USH2A: variants seen among roughly 807,000 people sequenced by gnomAD.
USH2A encodes the protein Usher syndrome 2A (autosomal recessive, mild).
In USH2A, 443 loss-of-function variants were observed where a neutral mutation model predicts 538.9. That is an observed-to-expected ratio of 0.82 (90% CI 0.76 to 0.89). The LOEUF is 0.89. USH2A is among the 40% of genes least tolerant of loss of function. USH2A has a pLI of 0.00. For missense variants in USH2A, 6,633 were observed against 6,324.8 expected (o/e 1.05, Z -1.65); for synonymous variants, 2,413 against 2,273.5 (o/e 1.06, Z -1.75).
chr1:216,016,947 CT>C (rs1668726014), intron 32 of USH2A, among the ~76,000 whole-genome samples: 1 of 152,020 alleles, frequency 6.6e-6, no homozygotes, highest in African/African-American at 2.4e-5. Flanking sequence ...TCATTTCCCT[CT>C]TTTCTTCTGT....
chr1:215,648,494 G>A, intron 66 of USH2A, 34 bp downstream of exon 66: 8 of 1,603,546 alleles, frequency 5.0e-6, no homozygotes, highest in Non-Finnish European at 6.8e-6. Flanking sequence ...CACATGCCTT[G>A]TTAGTTTCTT....
intron 37 of USH2A, among the ~76,000 whole-genome samples, chr1:215,950,160 T>A (rs919155885): frequency 8.5e-5 from 13 of 152,194 alleles, no homozygotes; most frequent in African/African-American, 3.1e-4. Flanking sequence ...AATTCCTTTG[T>A]TGTTATACAT....
chr1:216,259,401 G>A (rs781639831), intron 11 of USH2A, among the ~76,000 whole-genome samples: 19 of 151,936 alleles, frequency 1.3e-4, no homozygotes, highest in Non-Finnish European at 1.2e-4. Flanking sequence ...ATTTCATCTC[G>A]GTCTAGGTTA....
intron 11 of USH2A, among the ~76,000 whole-genome samples, chr1:216,261,439 A>G (rs1417089337): frequency 6.8e-6 from 1 of 146,888 alleles, no homozygotes; most frequent in Non-Finnish European, 1.5e-5. Context: ...ATATACTAAG[A>G]TTCTATATCC....
At chr1:215,640,780 A>G (rs777382888) in intron 67 of USH2A, 46 bp from the exon 68 acceptor site, 1 of 1,587,840 alleles carries the variant, frequency 6.3e-7, no homozygotes. Context: ...ACCTCTTTGA[A>G]GGAGTGCAGG....
intron 71 of USH2A, among the ~76,000 whole-genome samples, chr1:215,626,167 G>A (rs977845630): frequency 2.6e-5 from 4 of 151,250 alleles, no homozygotes; most frequent in African/African-American, 9.7e-5. Context: ...TGTAGAGTGG[G>A]ATGTGTGTGT....
chr1:216,309,756 G>T (rs1044803952), intron 9 of USH2A, among the ~76,000 whole-genome samples: 1 of 151,968 alleles, frequency 6.6e-6, no homozygotes, highest in Non-Finnish European at 1.5e-5. Context: ...GATCATGAAT[G>T]GATGCTTGAT....
At chr1:215,812,735 T>C (rs1471744803) in intron 49 of USH2A, among the ~76,000 whole-genome samples, 2 of 152,200 alleles carry the variant, frequency 1.3e-5, no homozygotes, top group Non-Finnish European at 2.9e-5. Context: ...TCAATTACTT[T>C]TGTATTCTCA....
At chr1:215,819,976 A>G (rs1358205263) in intron 47 of USH2A, among the ~76,000 whole-genome samples, 1 of 151,782 alleles carries the variant, frequency 6.6e-6, no homozygotes, top group African/African-American at 2.4e-5. Flanking sequence ...CGGGATTAAT[A>G]GTTTCATTGC....
Position 215,664,538 on chromosome 1 carries a change from A to C in USH2A, c.14133+6434T>G, listed in dbSNP as rs149534655. 3.7e-3 allele frequency among the ~76,000 whole-genome samples: 560 copies of C among 152,348 alleles called. 1 individual carries two copies. Among genetic ancestry groups the C allele is most frequent in the Non-Finnish European group, 6.1e-3 (412 of 68,040 alleles). ...TACAAAAACCAATCAAGAGAAGATA[A>C]AGTTTGATTAGACTTTCTAAAAATT... On this transcript the variant is annotated intron_variant, in intron 64 of 71. Coordinates refer to ENST00000307340, the MANE Select transcript of USH2A (RefSeq NM_206933.4).
At chr1:215,649,560 G>T (rs1656980107) in intron 65 of USH2A, among the ~76,000 whole-genome samples, 1 of 152,158 alleles carries the variant, frequency 6.6e-6, no homozygotes, top group African/African-American at 2.4e-5. Context: ...AGGGTTGATT[G>T]TATTTACATC....
chr1:215,825,404 G>C (rs575660367), intron 47 of USH2A, among the ~76,000 whole-genome samples: 1 of 152,262 alleles, frequency 6.6e-6, no homozygotes, highest in African/African-American at 2.4e-5. Flanking sequence ...ATACAAAGGA[G>C]TGTAGGGAAA....
chr1:215,633,688 G>T (rs1466053641), intron 70 of USH2A, among the ~76,000 whole-genome samples: 1 of 152,154 alleles, frequency 6.6e-6, no homozygotes, highest in East Asian at 1.9e-4. Flanking sequence ...ACGTAGCCCT[G>T]TGGGCGCCCA....
Position 216,247,056 on chromosome 1 carries a change from A to C in USH2A, c.2338T>G (p.Cys780Gly), listed in dbSNP as rs756192974. The change falls in exon 13 of 72, where the codon TGC becomes GGC. Residue 780 changes from cysteine (C) to glycine (G), a missense_variant. Cys to Gly is a radical substitution (Grantham distance 159). Coordinates refer to ENST00000307340, the MANE Select transcript of USH2A (RefSeq NM_206933.4). ...TCTAACCCATAAAAGTTTTCTCTGC[A>C]GGTGTCACACTGAAGTCCTTTGGCT... ...KEAKGLQCDT[C>G]RENFYGLDVT... 1.2e-6 allele frequency: 2 copies of C among 1,614,052 alleles called. No individual in the cohort carries two copies. Among genetic ancestry groups the C allele is most frequent in the Non-Finnish European group, 1.7e-6 (2 of 1,179,970 alleles).
chr1:216,006,444 T>C (rs1001240023), intron 32 of USH2A, among the ~76,000 whole-genome samples: 2 of 152,186 alleles, frequency 1.3e-5, no homozygotes, highest in African/African-American at 4.8e-5. Context: ...CATAGGGTTC[T>C]TCACATCCCC....
rs1172628170 is a variant in USH2A, at chr1:215,675,463, T to C, written c.12448A>G (p.Thr4150Ala). The change falls in exon 63 of 72, where the codon ACA becomes GCA. Residue 4150 changes from threonine (T) to alanine (A), a missense_variant. Coordinates refer to ENST00000307340, the MANE Select transcript of USH2A (RefSeq NM_206933.4). ...TGAGAGTCTGGAGGGGCTTCATCTGTCCACAGAGGCTGAGGCGCCGAGTGT... is the reference window on the plus strand; with the variant it reads ...TGAGAGTCTGGAGGGGCTTCATCTGCCCACAGAGGCTGAGGCGCCGAGTGT... ...CAHSAPQPLWTDEAPPDSQLA... is the reference protein window; with the variant it reads ...CAHSAPQPLWADEAPPDSQLA... 4.3e-6 allele frequency: 7 copies of C among 1,613,938 alleles called. No individual in the cohort carries two copies. Among genetic ancestry groups the C allele is most frequent in the South Asian group, 2.2e-5 (2 of 91,082 alleles).
At chr1:216,056,113 C>G (rs1446974682) in intron 30 of USH2A, among the ~76,000 whole-genome samples, 4 of 152,166 alleles carry the variant, frequency 2.6e-5, no homozygotes, top group African/African-American at 9.7e-5. Flanking sequence ...AGGTTTACCT[C>G]TAACCTCAAA....
rs372510657 is a variant in USH2A, at chr1:216,241,252, C to T, written c.2809+5333G>A. On this transcript the variant is annotated intron_variant, in intron 13 of 71. Coordinates refer to ENST00000307340, the MANE Select transcript of USH2A (RefSeq NM_206933.4). Reference sequence around the variant, plus strand: ...AAATCAAGGTGAAATATATGTAAAACCCAGAATTACAGACATGAAAGCCCA... The same window carrying T: ...AAATCAAGGTGAAATATATGTAAAATCCAGAATTACAGACATGAAAGCCCA... Among the ~76,000 whole-genome samples the T allele has an allele frequency of 9.9e-5, 15 of 152,132 alleles. 1 individual carries two copies. Among genetic ancestry groups the T allele is most frequent in the Admixed American group, 3.9e-4 (6 of 15,290 alleles).
In USH2A at chr1:215,798,879, T is replaced by C. The variant is rs745766445; in HGVS notation, c.9958+28A>G. The C allele has an allele frequency of 7.4e-6, 12 of 1,613,238 alleles. No individual in the cohort carries two copies. The Admixed American group carries it at 2.0e-4, about 27-fold the overall frequency. ...CTCTCTGCTTCTCAGATCCTCCATCTACTGAAAGGTAGACCTGGGCCCCTT... is the reference window on the plus strand; with the variant it reads ...CTCTCTGCTTCTCAGATCCTCCATCCACTGAAAGGTAGACCTGGGCCCCTT... On this transcript the variant is annotated intron_variant, in intron 50 of 71. Coordinates refer to ENST00000307340, the MANE Select transcript of USH2A (RefSeq NM_206933.4).
Sources: gnomAD v4.1 joint callset for allele counts (sites outside exome capture counted in the v4.1 genomes callset) on GRCh38, gnomAD v4.1.1 for gene constraint, MANE v1.5 for transcripts, NCBI Gene and HGNC (gene_info 2026-07-23, HGNC 2026-07-21) for gene names.